The following ADGRL3 variants were observed in gnomAD, a reference collection of about 807,000 sequenced individuals.
The protein encoded by ADGRL3 is calcium-independent alpha-latrotoxin receptor 3.
A neutral mutation model predicts 153.5 loss-of-function variants in ADGRL3; 62 were observed. The observed-to-expected ratio is 0.40, with a 90% confidence interval of 0.33 to 0.50. The LOEUF (loss-of-function observed/expected upper bound fraction) is 0.50. Among genes scored for constraint, ADGRL3 ranks in the 20% least tolerant of loss-of-function variants. ADGRL3 has a pLI of 0.47. For synonymous variants in ADGRL3, 710 were observed against 672.5 expected (o/e 1.06, Z -0.86); for missense variants, 1,641 against 1,859.4 (o/e 0.88, Z 2.16).
intron 2 of ADGRL3, among the ~76,000 whole-genome samples, chr4:61,451,145 G>A (rs1432633362): frequency 6.6e-6 from 1 of 151,996 alleles, no homozygotes; most frequent in East Asian, 1.9e-4. Flanking sequence ...CAAAGAAATT[G>A]ACCCTATTTT....
intron 5 of ADGRL3, among the ~76,000 whole-genome samples, chr4:61,643,389 A>C (rs1422177592): frequency 2.6e-5 from 4 of 151,758 alleles, no homozygotes; most frequent in Non-Finnish European, 5.9e-5. Flanking sequence ...GAATGCTTCC[A>C]GTTTTTGCCC....
chr4:61,457,210 T>A (rs974208346), intron 2 of ADGRL3, among the ~76,000 whole-genome samples: 2 of 152,016 alleles, frequency 1.3e-5, no homozygotes, highest in African/African-American at 4.8e-5. Context: ...ACATGTAAAA[T>A]AGAGTTATTT....
At chr4:61,755,380 C>T (rs1240086032) in intron 8 of ADGRL3, among the ~76,000 whole-genome samples, 1 of 152,180 alleles carries the variant, frequency 6.6e-6, no homozygotes, top group East Asian at 1.9e-4. Flanking sequence ...TGATGATGAG[C>T]ATTTTTTCAT....
At chr4:61,984,618 G>A (rs149774411) in intron 19 of ADGRL3, among the ~76,000 whole-genome samples, 2 of 152,220 alleles carry the variant, frequency 1.3e-5, no homozygotes, top group African/African-American at 4.8e-5. Context: ...GGTGTTTTAT[G>A]TCAAAATTAA....
intron 5 of ADGRL3, among the ~76,000 whole-genome samples, chr4:61,601,728 C>T (rs994110706): frequency 4.6e-5 from 7 of 152,138 alleles, no homozygotes; most frequent in Admixed American, 3.9e-4. Context: ...CAGCATTCAG[C>T]TGTGGCCGTT....
At chr4:61,372,913 C>G (rs528421760) in intron 1 of ADGRL3, among the ~76,000 whole-genome samples, 1 of 152,132 alleles carries the variant, frequency 6.6e-6, no homozygotes, top group East Asian at 1.9e-4. Flanking sequence ...GAGCCAGGTG[C>G]GGGATATAAT....
intron 1 of ADGRL3, among the ~76,000 whole-genome samples, chr4:61,267,311 T>C (rs2092909013): frequency 6.6e-6 from 1 of 151,564 alleles, no homozygotes; most frequent in South Asian, 2.1e-4. Context: ...AAGTCTCTGC[T>C]CCCTCCCCTA....
chr4:61,565,884 G>A (rs901445490), intron 4 of ADGRL3, among the ~76,000 whole-genome samples: 1 of 152,142 alleles, frequency 6.6e-6, no homozygotes, highest in Non-Finnish European at 1.5e-5. Flanking sequence ...CTACTAAAAT[G>A]ATCCTTTTCC....
At chr4:61,370,717 G>A (rs1387782157) in intron 1 of ADGRL3, among the ~76,000 whole-genome samples, 2 of 151,464 alleles carry the variant, frequency 1.3e-5, no homozygotes, top group Non-Finnish European at 3.0e-5. Context: ...TTGATTTGGG[G>A]TGGAGAGTTC....
At position 61,200,902 on chromosome 4, in the gene ADGRL3, C is replaced by A. The variant is rs369654669; in HGVS notation, c.-1103C>A. On this transcript the variant is annotated 5_prime_UTR_variant, in exon 1 of 27. Transcript: ENST00000683033. ...ACCCCACGGGCTCGGGGTTCGCCGG[C>A]CCCCGGGACGCAGCCCTCGGCGGCC... is the stretch of plus-strand genomic sequence containing the variant. Among the ~76,000 whole-genome samples, 28 of 151,762 alleles carry A rather than the reference C, an allele frequency of 1.8e-4. No individual in the cohort carries two copies. Among genetic ancestry groups the A allele is most frequent in the East Asian group, 1.6e-3 (8 of 5,014 alleles).
intron 2 of ADGRL3, among the ~76,000 whole-genome samples, chr4:61,441,433 A>G (rs1232391821): frequency 1.3e-5 from 2 of 152,122 alleles, no homozygotes; most frequent in Non-Finnish European, 2.9e-5. Context: ...TCACAACTTC[A>G]GTCAAGCTAG....
chr4:61,410,913 G>A (rs988765727), intron 2 of ADGRL3, among the ~76,000 whole-genome samples: 6 of 152,182 alleles, frequency 3.9e-5, no homozygotes, highest in African/African-American at 1.2e-4. Context: ...AAGTAACTGA[G>A]AACCCATCCT....
Position 61,299,924 on chromosome 4 carries a change from G to GT in ADGRL3, c.-239-83196dup, listed in dbSNP as rs1424159039. On this transcript the variant is annotated intron_variant, in intron 1 of 26. Coordinates refer to ENST00000683033, the MANE Select transcript of ADGRL3 (RefSeq NM_001387552.1). ...ATCTATTATTATTATTACCTTTCTG[G>GT]TTTTCACTTACTGTCTTATTTATTA... Among the ~76,000 whole-genome samples, 5 of 151,828 alleles carry GT rather than the reference G, an allele frequency of 3.3e-5. No homozygotes were observed. The South Asian group carries it at 6.2e-4, about 19-fold the overall frequency.
chr4:61,455,656 T>A (rs1018597699), intron 2 of ADGRL3, among the ~76,000 whole-genome samples: 5 of 152,046 alleles, frequency 3.3e-5, no homozygotes, highest in Admixed American at 1.3e-4. Flanking sequence ...TTTCATTGTA[T>A]ATTCTGATAG....
intron 13 of ADGRL3, among the ~76,000 whole-genome samples, chr4:61,924,026 C>T (rs1195526527): frequency 6.6e-6 from 1 of 151,668 alleles, no homozygotes; most frequent in Non-Finnish European, 1.5e-5. Flanking sequence ...GTTGTCAACC[C>T]CTCTCCTCTC....
intron 15 of ADGRL3, among the ~76,000 whole-genome samples, chr4:61,936,653 G>A (rs2098839664): frequency 1.3e-5 from 2 of 151,802 alleles, no homozygotes; most frequent in African/African-American, 2.4e-5. Context: ...ACATATATGT[G>A]CATGTATCTG....
At chr4:61,396,401 C>G (rs1338647393) in intron 2 of ADGRL3, among the ~76,000 whole-genome samples, 1 of 151,004 alleles carries the variant, frequency 6.6e-6, no homozygotes, top group Admixed American at 6.6e-5. Context: ...TAAATCAGAC[C>G]AAATTGAGTA....
intron 8 of ADGRL3, among the ~76,000 whole-genome samples, chr4:61,787,358 C>CT (rs1249741583): frequency 2.3e-4 from 34 of 150,832 alleles, no homozygotes; most frequent in African/African-American, 4.4e-4. Context: ...TATAGTCATA[C>CT]TTTTTTTTTA....
intron 1 of ADGRL3, among the ~76,000 whole-genome samples, chr4:61,292,243 A>G (rs2094247708): frequency 6.6e-6 from 1 of 152,060 alleles, no homozygotes; most frequent in Non-Finnish European, 1.5e-5. Context: ...TTCCTTTTCC[A>G]TTAGGGCTGA....
Sources: gnomAD v4.1 joint callset for allele counts (sites outside exome capture counted in the v4.1 genomes callset) on GRCh38, gnomAD v4.1.1 for gene constraint, MANE v1.5 for transcripts, NCBI Gene and HGNC (gene_info 2026-07-23, HGNC 2026-07-21) for gene names.